Variants in GALNT13 observed in about 807,000 individuals in gnomAD.
The protein encoded by GALNT13 is polypeptide N-acetylgalactosaminyltransferase 13, also known as UDP-GalNAc:polypeptide N-acetylgalactosaminyltransferase 13.
A neutral mutation model predicts 64.2 loss-of-function variants in GALNT13; 28 were observed. The ratio of observed to expected loss-of-function variants is 0.44; its 90% CI spans 0.32 to 0.60. The LOEUF (loss-of-function observed/expected upper bound fraction) is 0.60, where lower values mean the gene tolerates loss of function less well. Ranked by LOEUF, GALNT13 falls within the 20% of genes least tolerant of loss-of-function variation. The pLI is 0.05. For synonymous variants in GALNT13, 214 were observed against 224.6 expected, an observed-to-expected ratio of 0.95 and a Z score of 0.42; for missense variants, 577 against 669.8, an observed-to-expected ratio of 0.86 and a Z score of 1.53.
At chr2:153,306,194 T>C in the GALNT13 span, among the ~76,000 whole-genome samples, 1 of 152,306 alleles carries the variant, frequency 6.6e-6, no homozygotes, top group East Asian at 1.9e-4. Context: ...CAGCAAACAC[T>C]GCTGGGTCGT....
At chr2:154,088,084 A>G (rs1701622220) in intron 3 of GALNT13, among the ~76,000 whole-genome samples, 1 of 152,124 alleles carries the variant, frequency 6.6e-6, no homozygotes, top group Non-Finnish European at 1.5e-5. Flanking sequence ...ATACAGTGTG[A>G]AAAGTTTTAC....
chr2:153,658,891 A>C, the GALNT13 span, among the ~76,000 whole-genome samples: 2 of 152,082 alleles, frequency 1.3e-5, no homozygotes, highest in African/African-American at 4.8e-5. Flanking sequence ...AGAAAAACAC[A>C]TCTGTTGACC....
At position 154,245,871 on chromosome 2, in the gene GALNT13, CT is replaced by C; in HGVS notation, c.747del (p.Ser251GlnfsTer3). The C allele has an allele frequency of 6.2e-7, 1 of 1,612,512 alleles. No homozygotes were observed. On this transcript the variant is annotated frameshift_variant, in exon 7 of 13. Coordinates refer to ENST00000392825, the MANE Select transcript of GALNT13 (RefSeq NM_052917.4). LOFTEE classifies it high-confidence loss of function. ...AGTGATGATACTTTTGAATATATGG[CT>C]GGGTCAGACATGACTTATGGGGGTT... The part of the protein sequence containing the change: ...VISDDTFEYM[A>X]GSDMTYGGFN...
chr2:153,631,327 G>A, the GALNT13 span, among the ~76,000 whole-genome samples: 6 of 152,324 alleles, frequency 3.9e-5, no homozygotes, highest in African/African-American at 1.4e-4. Context: ...TATATACCCA[G>A]TAATGGGATG....
chr2:153,851,213 G>A, the GALNT13 span, among the ~76,000 whole-genome samples: 1 of 152,032 alleles, frequency 6.6e-6, no homozygotes, highest in Non-Finnish European at 1.5e-5. Flanking sequence ...TACAATTCTT[G>A]TCAGCAACAA....
At chr2:154,237,351 C>A (rs1032079377) in intron 4 of GALNT13, among the ~76,000 whole-genome samples, 12 of 151,482 alleles carry the variant, frequency 7.9e-5, no homozygotes, top group African/African-American at 2.9e-4. Flanking sequence ...TCACAAAGAA[C>A]AAATTGTCTT....
At chr2:153,772,502 A>T in the GALNT13 span, among the ~76,000 whole-genome samples, 1 of 152,174 alleles carries the variant, frequency 6.6e-6, no homozygotes, top group African/African-American at 2.4e-5. Flanking sequence ...CTGCTTGCCC[A>T]CTTTCTCCTC....
chr2:154,454,181 T>G (rs150908096), downstream of GALNT13, among the ~76,000 whole-genome samples: 1 of 152,280 alleles, frequency 6.6e-6, no homozygotes, highest in Non-Finnish European at 1.5e-5. Flanking sequence ...TAAAGGACTT[T>G]ACAGATGACC....
rs1380938425 is a variant in GALNT13 at position 154,408,897 on chromosome 2, AATAG to A, written c.1297-82_1297-79del. ...TATGAAGTTGTATTATTCAGTTAACAATAGATAGTAACATGAGAAGGATTTGATG... is the reference window on the plus strand; with the variant it reads ...TATGAAGTTGTATTATTCAGTTAACAATAGTAACATGAGAAGGATTTGATG... On this transcript the variant is annotated intron_variant, in intron 10 of 12. Transcript: ENST00000392825. 2.4e-5 allele frequency: 19 copies of A among 792,240 alleles called. 1 individual carries two copies. Among genetic ancestry groups the A allele is most frequent in the Admixed American group, 1.2e-4 (5 of 43,052 alleles). 49.1% of individuals were successfully genotyped at this position (792,240 alleles called of 1,614,324 possible). A position where few individuals can be genotyped will look rare whatever the true frequency, so the allele number is the denominator to read the frequency against.
chr2:153,525,137 C>G, the GALNT13 span, among the ~76,000 whole-genome samples: 1 of 152,208 alleles, frequency 6.6e-6, no homozygotes, highest in Non-Finnish European at 1.5e-5. Flanking sequence ...TTCCTAGACA[C>G]AATCCTTGGC....
chr2:154,223,230 A>T (rs186855685), intron 4 of GALNT13, among the ~76,000 whole-genome samples: 3 of 152,080 alleles, frequency 2.0e-5, no homozygotes, highest in Non-Finnish European at 4.4e-5. Context: ...TTTTCATAGA[A>T]TACAGATGTG....
At chr2:154,011,260 G>A (rs920218999) in intron 3 of GALNT13, among the ~76,000 whole-genome samples, 1 of 137,738 alleles carries the variant, frequency 7.3e-6, no homozygotes, top group Non-Finnish European at 1.6e-5. Context: ...GTGGCCCTGA[G>A]ATTCTGGTAT....
the GALNT13 span, among the ~76,000 whole-genome samples, chr2:153,198,230 C>T: frequency 6.6e-5 from 10 of 152,034 alleles, no homozygotes. Flanking sequence ...GTGTGTGGGA[C>T]CCAGCATGAG....
the GALNT13 span, among the ~76,000 whole-genome samples, chr2:153,399,382 G>A: frequency 7.2e-5 from 11 of 152,106 alleles, no homozygotes; most frequent in Non-Finnish European, 1.2e-4. Context: ...TGTTCTTTTC[G>A]CTTAGGATTG....
At chr2:153,450,932 G>A in the GALNT13 span, among the ~76,000 whole-genome samples, 1 of 152,006 alleles carries the variant, frequency 6.6e-6, no homozygotes, top group Non-Finnish European at 1.5e-5. Context: ...ATTTTAGTTA[G>A]GACCTATCTA....
At chr2:154,061,622 C>T (rs1227449774) in intron 3 of GALNT13, among the ~76,000 whole-genome samples, 4 of 152,140 alleles carry the variant, frequency 2.6e-5, no homozygotes, top group Non-Finnish European at 4.4e-5. Flanking sequence ...TACAATTTGA[C>T]ATGAGATTTG....
the GALNT13 span, among the ~76,000 whole-genome samples, chr2:153,777,272 T>C: frequency 6.6e-6 from 1 of 152,180 alleles, no homozygotes; most frequent in African/African-American, 2.4e-5. Context: ...GTCACCTCTA[T>C]TATCTTTGTT....
At chr2:153,162,328 CTTTTA>C in the GALNT13 span, among the ~76,000 whole-genome samples, 1 of 152,078 alleles carries the variant, frequency 6.6e-6, no homozygotes, top group Non-Finnish European at 1.5e-5. Flanking sequence ...ACCTTTTGGT[CTTTTA>C]TTTTAAAAAA....
At chr2:154,258,387 C>A (rs940111559) in intron 7 of GALNT13, among the ~76,000 whole-genome samples, 7 of 151,824 alleles carry the variant, frequency 4.6e-5, no homozygotes, top group South Asian at 2.1e-4. Context: ...AACAGAAATC[C>A]CATAAATCCT....
Sources: allele counts gnomAD v4.1 joint callset (sites outside exome capture counted in the v4.1 genomes callset), GRCh38; gene constraint gnomAD v4.1.1; transcripts MANE v1.5; gene names NCBI Gene and HGNC (gene_info 2026-07-23, HGNC 2026-07-21).